The following SLCO4A1 variants were observed in gnomAD, a reference collection of about 807,000 sequenced individuals.
SLCO4A1 encodes the protein colon organic anion transporter.
Under a neutral mutation model 64.6 loss-of-function variants are expected in SLCO4A1, and 51 were observed. That is an observed-to-expected ratio of 0.79 (90% CI 0.63 to 1.00). The LOEUF (loss-of-function observed/expected upper bound fraction) is 1.00. Among genes scored for constraint, SLCO4A1 ranks in the 50% least tolerant of loss-of-function variants. The pLI, the probability that SLCO4A1 is intolerant of heterozygous loss-of-function variation, is 0.00. For missense variants in SLCO4A1, 919 were observed against 980.5 expected (o/e 0.94, Z 0.84); for synonymous variants, 471 against 444.9 (o/e 1.06, Z -0.74).
intron 1 of SLCO4A1, among the ~76,000 whole-genome samples, chr20:62,655,178 G>A (rs1409986027): frequency 2.0e-5 from 3 of 152,226 alleles, no homozygotes; most frequent in Non-Finnish European, 2.9e-5. Context: ...TGAGGTCTGC[G>A]AGAAAGACCC....
downstream of SLCO4A1, among the ~76,000 whole-genome samples, chr20:62,676,166 G>T (rs1189800489): frequency 6.6e-6 from 1 of 152,184 alleles, no homozygotes; most frequent in African/African-American, 2.4e-5. Context: ...TATAATCCCA[G>T]CACTTTGGGA....
rs748444145 is a variant in SLCO4A1, at chr20:62,671,735, C to T, written c.2026-15C>T. 2.5e-6 allele frequency: 4 copies of T among 1,609,698 alleles called. No individual in the cohort carries two copies. The highest frequency in any genetic ancestry group is 2.2e-5 in the East Asian group (1 of 44,794). ...CGAGCTCCCCACGAGGTCCAGCGGGCTCCTCTCTCCCCAGGTGCTGGGCGT... is the reference window on the plus strand; with the variant it reads ...CGAGCTCCCCACGAGGTCCAGCGGGTTCCTCTCTCCCCAGGTGCTGGGCGT... On this transcript the variant is annotated splice_polypyrimidine_tract_variant and intron_variant, in intron 11 of 11. Transcript: ENST00000217159.
chr20:62,677,867 G>A (rs1006646898), intron 2 of SLCO4A1, among the ~76,000 whole-genome samples: 30 of 152,376 alleles, frequency 2.0e-4, no homozygotes, highest in African/African-American at 5.8e-4. Context: ...CGAGTCCGCC[G>A]TGATGGGGGT....
chr20:62,683,529 A>G (rs1382920083), intron 2 of SLCO4A1, among the ~76,000 whole-genome samples: 1 of 152,160 alleles, frequency 6.6e-6, no homozygotes, highest in Non-Finnish European at 1.5e-5. Context: ...TGTTCAGGCC[A>G]GTGATGAACC....
rs1986410579 is a variant in SLCO4A1, at chr20:62,666,691, A to G, written c.1472+116A>G. 3 of 927,890 alleles carry G rather than the reference A, an allele frequency of 3.2e-6. No individual in the cohort carries two copies. The Admixed American group carries it at 6.3e-5, about 19-fold the overall frequency. The allele number at this position is 927,890 out of a possible 1,614,324, so 57.5% of individuals were successfully genotyped here. A position where few individuals can be genotyped will look rare whatever the true frequency, so the allele number is the denominator to read the frequency against. Reference sequence around the variant, plus strand: ...AGGTGGTTTTGAAAAGGGCTACGTCACAGGACAGCGGCAAGGGCAACACCC... The same window carrying G: ...AGGTGGTTTTGAAAAGGGCTACGTCGCAGGACAGCGGCAAGGGCAACACCC... On this transcript the variant is annotated intron_variant, in intron 7 of 11. Coordinates refer to ENST00000217159, the MANE Select transcript of SLCO4A1 (RefSeq NM_016354.4).
rs148066339 is a variant in SLCO4A1 at position 62,654,901 on chromosome 20, G to A, written c.-96-1458G>A. On this transcript the variant is annotated intron_variant, in intron 1 of 11. Coordinates refer to ENST00000217159, the MANE Select transcript of SLCO4A1 (RefSeq NM_016354.4). Reference sequence around the variant, plus strand: ...GGTGTCTGCAAGGCCGGCCCCCCTCGGAGGCTGTGAGGGAAGGAGCTACTT... The same window carrying A: ...GGTGTCTGCAAGGCCGGCCCCCCTCAGAGGCTGTGAGGGAAGGAGCTACTT... Among the ~76,000 whole-genome samples, 332 of 152,278 alleles carry A rather than the reference G, an allele frequency of 2.2e-3. 2 individuals are homozygous for A. The highest frequency in any genetic ancestry group is 8.5e-3 in the East Asian group (44 of 5,186).
chr20:62,661,030 G>GGCCCCCCCCCCCCCCCCC lies in SLCO4A1; in HGVS notation c.1010-34_1010-33insGCCCCCCCCCCCCCCCCC. On this transcript the variant is annotated intron_variant, in intron 4 of 11. Coordinates refer to ENST00000217159, the MANE Select transcript of SLCO4A1 (RefSeq NM_016354.4). This position sits in a 1 kb window ranked among gnomAD's most constrained non-coding sequence, Gnocchi z 5.2. Reference sequence around the variant, plus strand: ...AGAAGTCCACCTCCGGGAGCCCCCAGCCCCCAGCCCCAGCTCACTCTGTGC... The same window carrying GGCCCCCCCCCCCCCCCCC: ...AGAAGTCCACCTCCGGGAGCCCCCAGGCCCCCCCCCCCCCCCCCCCCCCAGCCCCAGCTCACTCTGTGC... The GGCCCCCCCCCCCCCCCCC allele has an allele frequency of 1.9e-6, 1 of 518,136 alleles. No individual in the cohort carries two copies. The highest frequency in any genetic ancestry group is 1.9e-5 in the African/African-American group (1 of 51,650). 32.1% of individuals were successfully genotyped at this position (518,136 alleles called of 1,614,324 possible).
intron 1 of SLCO4A1, chr20:62,651,377 C>T (rs1982473183): frequency 1.3e-5 from 2 of 152,184 alleles, no homozygotes; most frequent in Non-Finnish European, 2.9e-5. Context: ...GGAGGCTGGC[C>T]CGAAGCCAGG....
In SLCO4A1 at chr20:62,661,040, C is replaced by CCCCCCCCCCCCCCCCCAA; in HGVS notation, c.1010-23_1010-22insCCCCCCCCCCCCCCCAAC. ...CTCCGGGAGCCCCCAGCCCCCAGCC[C>CCCCCCCCCCCCCCCCCAA]CAGCTCACTCTGTGCCCTTCCAGGC... On this transcript the variant is annotated intron_variant, in intron 4 of 11. Coordinates refer to ENST00000217159, the MANE Select transcript of SLCO4A1 (RefSeq NM_016354.4). The surrounding 1 kb of genome is among the most constrained non-coding windows in gnomAD (Gnocchi z 5.2). 1.4e-6 allele frequency: 2 copies of CCCCCCCCCCCCCCCCCAA among 1,395,918 alleles called. No homozygotes were observed. The highest frequency in any genetic ancestry group is 2.0e-6 in the Non-Finnish European group (2 of 984,522). 86.5% of individuals were successfully genotyped at this position (1,395,918 alleles called of 1,614,324 possible). A position where few individuals can be genotyped will look rare whatever the true frequency, so the allele number is the denominator to read the frequency against.
intron 2 of SLCO4A1, among the ~76,000 whole-genome samples, chr20:62,682,629 G>T (rs1987885505): frequency 6.9e-6 from 1 of 145,254 alleles, no homozygotes; most frequent in African/African-American, 2.5e-5. Flanking sequence ...AGCAGCATGT[G>T]TGTGCATGTG....
intron 7 of SLCO4A1, 93 bp downstream of exon 7, chr20:62,666,668 G>A: frequency 1.7e-6 from 2 of 1,172,074 alleles, no homozygotes; most frequent in South Asian, 1.3e-5. Context: ...CTTGGGAGAG[G>A]TGGTTTTGAA....
At chr20:62,651,349 G>A (rs910781317) in intron 1 of SLCO4A1, 1 of 152,216 alleles carries the variant, frequency 6.6e-6, no homozygotes, top group Non-Finnish European at 1.5e-5. Context: ...CATGCTGCTT[G>A]CGTGAGATTC....
downstream of SLCO4A1, among the ~76,000 whole-genome samples, chr20:62,675,190 G>A (rs1177046422): frequency 1.3e-5 from 2 of 152,180 alleles, no homozygotes; most frequent in Non-Finnish European, 2.9e-5. Flanking sequence ...AGGTATTCCA[G>A]GGAGCGGCCC....
At position 62,665,105 on chromosome 20, in the gene SLCO4A1, T is replaced by C. The variant is rs1276356250; in HGVS notation, c.1276+17T>C. The C allele has an allele frequency of 6.3e-7, 1 of 1,596,284 alleles. No homozygotes were observed. Among genetic ancestry groups the C allele is most frequent in the Non-Finnish European group, 8.5e-7 (1 of 1,172,762 alleles). On this transcript the variant is annotated intron_variant, in intron 6 of 11. Coordinates refer to ENST00000217159, the MANE Select transcript of SLCO4A1 (RefSeq NM_016354.4). ...CCTTGTTTGGTGAGAAAACTGAATC[T>C]TGGGGGTCCTCTGCTTTTATGTCAG...
At position 62,665,598 on chromosome 20, in the gene SLCO4A1, G is replaced by A. The variant is rs543407151; in HGVS notation, c.1276+510G>A. On this transcript the variant is annotated intron_variant, in intron 6 of 11. Coordinates refer to ENST00000217159, the MANE Select transcript of SLCO4A1 (RefSeq NM_016354.4). ...GGTGCCAGGCATGTGGGCCACCACCGCCAATCTACCGCGCTCTACCCTTCC... is the reference window on the plus strand; with the variant it reads ...GGTGCCAGGCATGTGGGCCACCACCACCAATCTACCGCGCTCTACCCTTCC... 431 of 154,522 alleles carry A rather than the reference G, an allele frequency of 2.8e-3. 1 individual carries two copies. Among genetic ancestry groups the A allele is most frequent in the Middle Eastern group, 6.6e-3 (2 of 304 alleles). 9.6% of individuals were successfully genotyped at this position (154,522 alleles called of 1,614,324 possible). A position where few individuals can be genotyped will look rare whatever the true frequency, so the allele number is the denominator to read the frequency against.
rs376793697 is a variant in SLCO4A1 at position 62,657,116 on chromosome 20, C to T, written c.662C>T (p.Ser221Leu). The part of the protein sequence containing the change: ...NPGAVCADST[S>L]GLSRYQLVFM... ...GGCGCGGTGTGTGCGGACAGCACCT[C>T]GGGCCTGTCCCGCTACCAGCTGGTC... Residue 221 changes from serine to leucine, a missense_variant, in exon 2 of 12, where the codon TCG (serine) becomes TTG (leucine). Coordinates refer to ENST00000217159, the MANE Select transcript of SLCO4A1 (RefSeq NM_016354.4). The T allele has an allele frequency of 3.7e-5, 59 of 1,583,252 alleles. No individual in the cohort carries two copies. The highest frequency in any genetic ancestry group is 1.1e-4 in the Admixed American group (6 of 55,684).
At chr20:62,660,742 C>CCTCCCCTCTGCCCCAGCGGCTT (rs1376903309) in intron 4 of SLCO4A1, among the ~76,000 whole-genome samples, 5 of 152,224 alleles carry the variant, frequency 3.3e-5, no homozygotes, top group African/African-American at 1.2e-4. Context: ...TGTCCTGTGG[C>CCTCCCCTCTGCCCCAGCGGCTT]CTCCCCTCTG....
chr20:62,676,236 G>A (rs527882181), downstream of SLCO4A1, among the ~76,000 whole-genome samples: 6 of 152,078 alleles, frequency 3.9e-5, no homozygotes, highest in South Asian at 4.2e-4. Context: ...GCAACGTAGC[G>A]AAACCCTGTC....
downstream of SLCO4A1, among the ~76,000 whole-genome samples, chr20:62,690,335 G>A (rs542285551): frequency 4.1e-4 from 62 of 152,246 alleles, no homozygotes; most frequent in African/African-American, 1.2e-3. Context: ...ATGGGAGGAC[G>A]GAGCTCAACA....
Sources: gnomAD v4.1 joint callset for allele counts (sites outside exome capture counted in the v4.1 genomes callset) on GRCh38, gnomAD v4.1.1 for gene constraint, Gnocchi (gnomAD v3.1) non-coding constraint, MANE v1.5 for transcripts, NCBI Gene and HGNC (gene_info 2026-07-23, HGNC 2026-07-21) for gene names.